Variants in SLC43A2 observed in about 807,000 individuals in gnomAD.
The protein encoded by SLC43A2 is large neutral amino acids transporter small subunit 4.
SLC43A2 carries 38 observed loss-of-function variants against 63.2 expected under a neutral mutation model. The observed-to-expected ratio is 0.60, with a 90% CI of 0.46 to 0.79. The LOEUF (loss-of-function observed/expected upper bound fraction) is 0.79, where lower values mean the gene tolerates loss of function less well. SLC43A2 is among the 30% of genes least tolerant of loss of function. SLC43A2 has a pLI of 0.00. For missense variants in SLC43A2, 644 were observed against 756.2 expected, an observed-to-expected ratio of 0.85 and a Z score of 1.74; for synonymous variants, 322 against 331.0, an observed-to-expected ratio of 0.97 and a Z score of 0.30.
At chr17:1,612,214 T>C (rs1299343728) in intron 5 of SLC43A2, among the ~76,000 whole-genome samples, 1 of 152,146 alleles carries the variant, frequency 6.6e-6, no homozygotes, top group Non-Finnish European at 1.5e-5. Context: ...TCCGCCTGCC[T>C]CAGTCTCCCA....
At chr17:1,609,874 T>A (rs1453465356) in intron 5 of SLC43A2, among the ~76,000 whole-genome samples, 2 of 151,588 alleles carry the variant, frequency 1.3e-5, no homozygotes, top group Non-Finnish European at 2.9e-5. Context: ...TTTTAAATAC[T>A]GAAGAAATAT....
chr17:1,575,332 C>T lies in SLC43A2; in HGVS notation c.*272G>A. 1 of 526,534 alleles carries T rather than the reference C, an allele frequency of 1.9e-6. No homozygotes were observed. The highest frequency in any genetic ancestry group is 3.4e-6 in the Non-Finnish European group (1 of 295,660). The allele number at this position is 526,534 out of a possible 1,614,324, so 32.6% of individuals were successfully genotyped here. On this transcript the variant is annotated 3_prime_UTR_variant, in exon 14 of 14. Coordinates refer to ENST00000301335, the MANE Select transcript of SLC43A2 (RefSeq NM_152346.3). ...TGCCGGGCGTTCCTGGCTCCTGCTGCAGGCACCACAGAGACCCCAGGCCCC... is the reference window on the plus strand; with the variant it reads ...TGCCGGGCGTTCCTGGCTCCTGCTGTAGGCACCACAGAGACCCCAGGCCCC...
At chr17:1,616,181 GT>G (rs1051837391) in intron 3 of SLC43A2, among the ~76,000 whole-genome samples, 7 of 151,828 alleles carry the variant, frequency 4.6e-5, no homozygotes, top group Non-Finnish European at 8.8e-5. Context: ...AGTGTTGTTG[GT>G]TTTTTTTCTC....
chr17:1,612,263 C>A (rs1031066296), intron 5 of SLC43A2, among the ~76,000 whole-genome samples: 4 of 152,100 alleles, frequency 2.6e-5, no homozygotes, highest in Admixed American at 1.3e-4. Flanking sequence ...CATGCCCAGC[C>A]CCTTTTTTGA....
At chr17:1,596,228 G>A (rs1213791081) in intron 5 of SLC43A2, among the ~76,000 whole-genome samples, 1 of 152,086 alleles carries the variant, frequency 6.6e-6, no homozygotes, top group African/African-American at 2.4e-5. Flanking sequence ...GCTGAGACAG[G>A]AGAATCCCTT....
At chr17:1,598,830 C>A (rs1166679293) in intron 5 of SLC43A2, among the ~76,000 whole-genome samples, 1 of 152,158 alleles carries the variant, frequency 6.6e-6, no homozygotes, top group Non-Finnish European at 1.5e-5. Flanking sequence ...TGAGGCCTTG[C>A]CCTCAGGCCT....
intron 9 of SLC43A2, 35 bp downstream of exon 9, chr17:1,590,767 G>A (rs1054304702): frequency 1.9e-6 from 3 of 1,549,212 alleles, no homozygotes; most frequent in South Asian, 1.2e-5. Context: ...TCAGGCCGGG[G>A]AGTGACAGCG....
rs554553668 is a variant in SLC43A2, at chr17:1,583,705, C to T, written c.1218-369G>A. 2.0e-4 allele frequency: 42 copies of T among 210,104 alleles called. No homozygotes were observed. Among genetic ancestry groups the T allele is most frequent in the South Asian group, 1.6e-3 (16 of 10,164 alleles). 13.0% of individuals were successfully genotyped at this position (210,104 alleles called of 1,614,324 possible). A position where few individuals can be genotyped will look rare whatever the true frequency, so the allele number is the denominator to read the frequency against. The stretch of plus-strand genomic sequence containing the variant: ...TCAAGTTCACCCAAATCTTGCAGGA[C>T]GCTGATAAGAAGCCAGATACAAGCC... On this transcript the variant is annotated intron_variant, in intron 10 of 13. Transcript: ENST00000301335. The surrounding 1 kb of genome is among the most constrained non-coding windows in gnomAD (Gnocchi z 5.5).
Position 1,585,909 on chromosome 17 carries a change from G to T in SLC43A2, c.1217+4C>A. The stretch of plus-strand genomic sequence containing the variant: ...GAGCCGGGGCACCGGCCCTGCCTAC[G>T]CACTGGTTGGCGTCTTTCTCCTCGG... On this transcript the variant is annotated splice_donor_region_variant and intron_variant, in intron 10 of 13. Transcript: ENST00000301335. 6.2e-7 allele frequency: 1 copy of T among 1,613,710 alleles called. No individual in the cohort carries two copies.
At chr17:1,584,104 AG>A (rs1168550946) in intron 10 of SLC43A2, among the ~76,000 whole-genome samples, 2 of 152,080 alleles carry the variant, frequency 1.3e-5, no homozygotes, top group Non-Finnish European at 2.9e-5. Context: ...CATGTTAGCC[AG>A]GATGGTCTCG....
chr17:1,606,895 T>C lies in SLC43A2; in HGVS notation c.501+6300A>G, dbSNP rs543533775. 1.2e-4 allele frequency among the ~76,000 whole-genome samples: 19 copies of C among 152,296 alleles called. No homozygotes were observed. The highest frequency in any genetic ancestry group is 1.2e-3 in the Admixed American group (19 of 15,292). ...CTGACGCGACAGCCACCCTTGCCCC[T>C]CGGAGCCTCCACTTGGGAGGGAAAT... On this transcript the variant is annotated intron_variant, in intron 5 of 13. Coordinates refer to ENST00000301335, the MANE Select transcript of SLC43A2 (RefSeq NM_152346.3). The surrounding 1 kb of genome is among the most constrained non-coding windows in gnomAD (Gnocchi z 4.7).
At chr17:1,623,249 A>G (rs932579610) in intron 2 of SLC43A2, among the ~76,000 whole-genome samples, 1 of 152,180 alleles carries the variant, frequency 6.6e-6, no homozygotes, top group African/African-American at 2.4e-5. Context: ...CCTTGCAGCG[A>G]TCTCTGTGCC....
chr17:1,627,971 C>T (rs942956614), intron 1 of SLC43A2, 51 bp from the exon 2 acceptor site: 8 of 1,309,612 alleles, frequency 6.1e-6, no homozygotes, highest in African/African-American at 4.7e-5. Context: ...GCCCCTGCGG[C>T]CGCCCCCAGC....
At chr17:1,584,253 C>T (rs1006560836) in intron 10 of SLC43A2, among the ~76,000 whole-genome samples, 10 of 152,264 alleles carry the variant, frequency 6.6e-5, no homozygotes, top group Admixed American at 5.2e-4. Flanking sequence ...CTCACACCCA[C>T]GCAGACACCC....
At chr17:1,624,679 C>G (rs1470549336) in intron 2 of SLC43A2, among the ~76,000 whole-genome samples, 1 of 152,114 alleles carries the variant, frequency 6.6e-6, no homozygotes, top group Non-Finnish European at 1.5e-5. Context: ...TCGCTTGAGC[C>G]CAGGAGTTTG....
chr17:1,588,529 GAAAA>G (rs754151073), intron 9 of SLC43A2, among the ~76,000 whole-genome samples: 1 of 131,746 alleles, frequency 7.6e-6, no homozygotes, highest in Non-Finnish European at 1.6e-5. Flanking sequence ...TGTCTTTATG[GAAAA>G]AAAAAAAAAA....
chr17:1,587,030 G>A, intron 9 of SLC43A2: 3 of 1,445,780 alleles, frequency 2.1e-6, no homozygotes, highest in South Asian at 2.5e-5. Flanking sequence ...CAGTGCTACA[G>A]AGAGATGGGA....
chr17:1,575,410 G>A lies in SLC43A2; in HGVS notation c.*194C>T, dbSNP rs1298383392. 1 of 703,902 alleles carries A rather than the reference G, an allele frequency of 1.4e-6. No individual in the cohort carries two copies. Among genetic ancestry groups the A allele is most frequent in the Non-Finnish European group, 2.3e-6 (1 of 432,114 alleles). The allele number at this position is 703,902 out of a possible 1,614,324, so 43.6% of individuals were successfully genotyped here. ...TCAGGGCAGCCCCTGCGTTCGGCAG[G>A]AGAAAACGCGCGTGTCCGGGGCCCT... is the stretch of plus-strand genomic sequence containing the variant. On this transcript the variant is annotated 3_prime_UTR_variant, in exon 14 of 14. Coordinates refer to ENST00000301335, the MANE Select transcript of SLC43A2 (RefSeq NM_152346.3).
chr17:1,598,080 A>G (rs1905496996), intron 5 of SLC43A2, among the ~76,000 whole-genome samples: 1 of 152,176 alleles, frequency 6.6e-6, no homozygotes, highest in African/African-American at 2.4e-5. Flanking sequence ...ATGCGGAAGG[A>G]GGGAAGTGTT....
Sources: gnomAD v4.1 joint callset for allele counts (sites outside exome capture counted in the v4.1 genomes callset) on GRCh38, gnomAD v4.1.1 for gene constraint, Gnocchi (gnomAD v3.1) non-coding constraint, MANE v1.5 for transcripts, NCBI Gene and HGNC (gene_info 2026-07-23, HGNC 2026-07-21) for gene names.